HIPK3: variants seen among roughly 807,000 people sequenced by gnomAD.
HIPK3 encodes homeodomain interacting protein kinase 3.
A neutral mutation model predicts 124.2 loss-of-function variants in HIPK3; 47 were observed. The observed-to-expected ratio is 0.38, with a 90% CI of 0.30 to 0.48. The LOEUF (loss-of-function observed/expected upper bound fraction) is 0.48, where lower values mean the gene tolerates loss of function less well. Ranked by LOEUF, HIPK3 falls within the 20% of genes least tolerant of loss-of-function variation. The probability of loss-of-function intolerance (pLI) is 0.98; values close to 1 mark genes in which losing one functional copy is unlikely to be tolerated. For missense variants in HIPK3, 1,286 were observed against 1,454.3 expected (o/e 0.88, Z 1.88); for synonymous variants, 482 against 515.2 (o/e 0.94, Z 0.87).
chr11:33,300,260 C>T (rs189714024), intron 2 of HIPK3, among the ~76,000 whole-genome samples: 1 of 150,168 alleles, frequency 6.7e-6, no homozygotes, highest in South Asian at 2.1e-4. Flanking sequence ...GCAGGAGAAT[C>T]GCTTGAACCT....
rs764450120 is a variant in HIPK3 at position 33,286,968 on chromosome 11, T to G, written c.554T>G (p.Val185Gly). The change falls in exon 2 of 17, where the codon GTA becomes GGA. Residue 185 changes from valine (V) to glycine (G), a missense_variant. Physicochemically the swap from Val to Gly is moderately radical, Grantham distance 109. Transcript: ENST00000303296. ...ACTGGAGAAGGTGACTATCAGTTAGTACAGCATGAAGTCTTATGCTCCATG... is the reference window on the plus strand; with the variant it reads ...ACTGGAGAAGGTGACTATCAGTTAGGACAGCATGAAGTCTTATGCTCCATG... Reference protein sequence around the residue: ...CTTGEGDYQLVQHEVLCSMKN... With the variant: ...CTTGEGDYQLGQHEVLCSMKN... The G allele has an allele frequency of 3.1e-6, 5 of 1,614,196 alleles. No homozygotes were observed. In the South Asian group the frequency reaches 5.5e-5, roughly 18 times the overall value.
chr11:33,348,359 T>C, intron 12 of HIPK3, 131 bp downstream of exon 12: 1 of 1,015,604 alleles, frequency 9.8e-7, no homozygotes, highest in Non-Finnish European at 1.4e-6. Flanking sequence ...TGGATATTTC[T>C]AGAGCTATTT....
chr11:33,268,842 G>C (rs1430383116), intron 1 of HIPK3, among the ~76,000 whole-genome samples: 2 of 152,000 alleles, frequency 1.3e-5, no homozygotes, highest in Non-Finnish European at 1.5e-5. Flanking sequence ...GGTCTATCTA[G>C]CTTGAAATGA....
rs563088537 is a variant in HIPK3, at chr11:33,308,147, A to G, written c.1098-20363A>G. Among the ~76,000 whole-genome samples the G allele has an allele frequency of 6.6e-5, 10 of 152,304 alleles. No homozygotes were observed. The East Asian group carries it at 1.5e-3, about 24-fold the overall frequency. ...GATGCATTGTTTTCCCCATGTGGCT[A>G]TCCCTAAACTGAGCACCATTTATTA... On this transcript the variant is annotated intron_variant, in intron 2 of 16. Transcript: ENST00000303296.
At chr11:33,303,139 C>T (rs941617392) in intron 2 of HIPK3, among the ~76,000 whole-genome samples, 3 of 152,100 alleles carry the variant, frequency 2.0e-5, no homozygotes, top group African/African-American at 7.2e-5. Flanking sequence ...TTCCAGGACC[C>T]CCCACGGACA....
At chr11:33,349,026 T>G (rs1853581497) in intron 13 of HIPK3, 121 bp from the exon 14 acceptor site, 1 of 1,020,898 alleles carries the variant, frequency 9.8e-7, no homozygotes, top group Admixed American at 2.6e-5. Flanking sequence ...AGCTTTAACT[T>G]TTTGTCCATG....
At position 33,286,456 on chromosome 11, in the gene HIPK3, A is replaced by G. The variant is rs750100330; in HGVS notation, c.42A>G (p.Gln14=). 38 of 1,611,618 alleles carry G rather than the reference A, an allele frequency of 2.4e-5. No individual in the cohort carries two copies. The highest frequency in any genetic ancestry group is 3.1e-5 in the Non-Finnish European group (37 of 1,179,232). ...QVLVYPPYVY[Q]TQSSAFCSVK... ...TGGTCTACCCACCATATGTTTATCA[A>G]ACTCAGTCAAGTGCCTTTTGTAGTG... Residue 14 remains glutamine, a synonymous_variant, in exon 2 of 17, where the codon CAA becomes CAG. Coordinates refer to ENST00000303296, the MANE Select transcript of HIPK3 (RefSeq NM_005734.5).
rs1036557373 is a variant in HIPK3 at position 33,257,438 on chromosome 11, C to T, written c.-454C>T. On this transcript the variant is annotated 5_prime_UTR_variant, in exon 1 of 17. Coordinates refer to ENST00000303296, the MANE Select transcript of HIPK3 (RefSeq NM_005734.5). ...TCGCGGCGACCTGAGGAGATCAAGC[C>T]GCAGGCCCCGCCGTCGCCACCACTC... The T allele has an allele frequency of 1.0e-6, 1 of 985,610 alleles. No individual in the cohort carries two copies. Among genetic ancestry groups the T allele is most frequent in the Non-Finnish European group, 1.2e-6 (1 of 830,148 alleles). 61.1% of individuals were successfully genotyped at this position (985,610 alleles called of 1,614,324 possible).
At chr11:33,267,585 T>C (rs1851004272) in intron 1 of HIPK3, among the ~76,000 whole-genome samples, 1 of 151,856 alleles carries the variant, frequency 6.6e-6, no homozygotes, top group Non-Finnish European at 1.5e-5. Context: ...AAGCTCTGCC[T>C]CCCAGGTTCA....
At chr11:33,342,792 T>C (rs565698450) in intron 8 of HIPK3, among the ~76,000 whole-genome samples, 2 of 152,286 alleles carry the variant, frequency 1.3e-5, no homozygotes, top group East Asian at 3.9e-4. Flanking sequence ...GTGATCCACC[T>C]GCCTCGGCCT....
At chr11:33,295,234 C>A (rs1018310689) in intron 2 of HIPK3, among the ~76,000 whole-genome samples, 1 of 151,642 alleles carries the variant, frequency 6.6e-6, no homozygotes, top group Non-Finnish European at 1.5e-5. Context: ...AGCTTCCTCC[C>A]GATTTGGCAT....
At chr11:33,298,816 T>C (rs991143644) in intron 2 of HIPK3, among the ~76,000 whole-genome samples, 28 of 152,320 alleles carry the variant, frequency 1.8e-4, no homozygotes, top group African/African-American at 5.8e-4. Context: ...TGCTGCAATC[T>C]GACGATTAAA....
rs955026895 is a variant in HIPK3, at chr11:33,353,008, G to T, written c.3172-84G>T. On this transcript the variant is annotated intron_variant, in intron 16 of 16. Coordinates refer to ENST00000303296, the MANE Select transcript of HIPK3 (RefSeq NM_005734.5). Reference sequence around the variant, plus strand: ...CACTATGAGTTATCAATCACAAAGGGTATATTGTAATTTCCCTTTCTTTCT... The same window carrying T: ...CACTATGAGTTATCAATCACAAAGGTTATATTGTAATTTCCCTTTCTTTCT... The T allele has an allele frequency of 2.0e-5, 16 of 791,662 alleles. No individual in the cohort carries two copies. The African/African-American group carries it at 2.4e-4, about 12-fold the overall frequency. The allele number at this position is 791,662 out of a possible 1,614,324, so 49.0% of individuals were successfully genotyped here.
chr11:33,315,985 A>G (rs1260833253), intron 2 of HIPK3, among the ~76,000 whole-genome samples: 2 of 152,218 alleles, frequency 1.3e-5, no homozygotes, highest in Non-Finnish European at 2.9e-5. Flanking sequence ...CTACATTTGA[A>G]TGAGTATCTA....
chr11:33,266,062 A>C (rs2133867153), intron 1 of HIPK3, among the ~76,000 whole-genome samples: 1 of 149,948 alleles, frequency 6.7e-6, no homozygotes, highest in Non-Finnish European at 1.5e-5. Context: ...CCATCTCAAA[A>C]AAAAAAAAAA....
rs1685656193 is a variant in HIPK3, at chr11:33,286,592, A to AG, written c.179dup (p.Ser60ArgfsTer10). 6.2e-7 allele frequency: 1 copy of AG among 1,614,022 alleles called. No individual in the cohort carries two copies. Among genetic ancestry groups the AG allele is most frequent in the Non-Finnish European group, 8.5e-7 (1 of 1,180,004 alleles). On this transcript the variant is annotated frameshift_variant, in exon 2 of 17. Coordinates refer to ENST00000303296, the MANE Select transcript of HIPK3 (RefSeq NM_005734.5). LOFTEE classifies it high-confidence loss of function. ...AAATTCTCATCCTCCCACTAAGGGT[A>AG]GTGCTTTTCAGACAAAGATACCATT...
intron 2 of HIPK3, among the ~76,000 whole-genome samples, chr11:33,314,443 A>T (rs12786172): frequency 1.2e-4 from 18 of 152,160 alleles, no homozygotes. Flanking sequence ...ACTTGAGGTC[A>T]GGAGTTCAAG....
In HIPK3 at chr11:33,258,484, T is replaced by C. The variant is rs543716100; in HGVS notation, c.-3+595T>C. ...GGACGTGCGTGCGTGTGTGTGATTGTTGGGGAGGAGAAATGTGATCCGCGG... is the reference window on the plus strand; with the variant it reads ...GGACGTGCGTGCGTGTGTGTGATTGCTGGGGAGGAGAAATGTGATCCGCGG... On this transcript the variant is annotated intron_variant, in intron 1 of 16. Coordinates refer to ENST00000303296, the MANE Select transcript of HIPK3 (RefSeq NM_005734.5). 6 of 985,164 alleles carry C rather than the reference T, an allele frequency of 6.1e-6. No homozygotes were observed. The South Asian group carries it at 1.9e-4, about 31-fold the overall frequency. 61.0% of individuals were successfully genotyped at this position (985,164 alleles called of 1,614,324 possible).
chr11:33,320,050 A>G (rs1852619319), intron 2 of HIPK3, among the ~76,000 whole-genome samples: 1 of 152,216 alleles, frequency 6.6e-6, no homozygotes, highest in African/African-American at 2.4e-5. Context: ...CTTCTCCCAG[A>G]TATTTTTAAA....
Sources: gnomAD v4.1 joint callset for allele counts (sites outside exome capture counted in the v4.1 genomes callset) on GRCh38, gnomAD v4.1.1 for gene constraint, MANE v1.5 for transcripts, NCBI Gene and HGNC (gene_info 2026-07-23, HGNC 2026-07-21) for gene names.